VDAC1: variants seen among roughly 807,000 people sequenced by gnomAD.
VDAC1 encodes non-selective voltage-gated ion channel VDAC1.
VDAC1 carries 10 observed loss-of-function variants against 34.7 expected under a neutral mutation model. The ratio of observed to expected loss-of-function variants is 0.29; its 90% CI spans 0.18 to 0.49. The LOEUF is 0.49. VDAC1 is among the 20% of genes least tolerant of loss of function. VDAC1 has a pLI of 0.99. For synonymous variants in VDAC1, 130 were observed against 136.0 expected (o/e 0.96, Z 0.30); for missense variants, 230 against 347.9 (o/e 0.66, Z 2.69).
chr5:133,993,721 C>T (rs1166935770), intron 1 of VDAC1, among the ~76,000 whole-genome samples: 1 of 150,006 alleles, frequency 6.7e-6, no homozygotes, highest in Non-Finnish European at 1.5e-5. Context: ...TTTTTAAAAC[C>T]AACCATCAAA....
At chr5:134,053,072 G>A in the VDAC1 span, among the ~76,000 whole-genome samples, 5 of 152,012 alleles carry the variant, frequency 3.3e-5, no homozygotes, top group South Asian at 2.1e-4. Flanking sequence ...CTGAGATAGC[G>A]CCATTGCACT....
At chr5:134,085,390 C>T in the VDAC1 span, among the ~76,000 whole-genome samples, 1 of 151,712 alleles carries the variant, frequency 6.6e-6, no homozygotes, top group African/African-American at 2.4e-5. Context: ...TCTTAAGAAA[C>T]CTGGGAAGCC....
At chr5:134,053,528 A>G in the VDAC1 span, among the ~76,000 whole-genome samples, 60 of 152,320 alleles carry the variant, frequency 3.9e-4, no homozygotes, top group African/African-American at 1.4e-3. Flanking sequence ...CGCAGCCTGC[A>G]TGGAGTCAGA....
chr5:133,981,030 T>A lies in VDAC1; in HGVS notation c.324-74A>T, dbSNP rs200755421. On this transcript the variant is annotated intron_variant, in intron 5 of 8. Transcript: ENST00000265333. ...ATGCAAGTTGTCTTTTTTTTTTTTT[T>A]AATCCCAGGTCAAATAAAGGGAGTG... 180 of 1,256,858 alleles carry A rather than the reference T, an allele frequency of 1.4e-4. No individual in the cohort carries two copies. In the African/African-American group the frequency reaches 2.2e-3, roughly 15 times the overall value. 77.9% of individuals were successfully genotyped at this position (1,256,858 alleles called of 1,614,324 possible). A position where few individuals can be genotyped will look rare whatever the true frequency, so the allele number is the denominator to read the frequency against.
chr5:134,071,599 G>A, the VDAC1 span, among the ~76,000 whole-genome samples: 493 of 152,338 alleles, frequency 3.2e-3, 3 homozygotes, highest in African/African-American at 0.011. The surrounding 1 kb of genome is among the most constrained non-coding windows in gnomAD (Gnocchi z 4.1). Flanking sequence ...TTTCCACCAC[G>A]CAGAATTCCC....
At chr5:134,002,338 A>C (rs1279196355) in intron 1 of VDAC1, among the ~76,000 whole-genome samples, 2 of 152,104 alleles carry the variant, frequency 1.3e-5, no homozygotes, top group East Asian at 3.8e-4. Context: ...AAATAAAACT[A>C]AATAATCAAC....
intron 6 of VDAC1, 193 bp from the exon 7 acceptor site, chr5:133,976,214 A>G (rs1474396031): frequency 3.2e-6 from 2 of 620,714 alleles, no homozygotes; most frequent in Non-Finnish European, 5.5e-6. Context: ...TAAGTATGGA[A>G]CAGGCACCTA....
the VDAC1 span, among the ~76,000 whole-genome samples, chr5:134,046,728 C>G: frequency 6.6e-6 from 1 of 152,128 alleles, no homozygotes; most frequent in Non-Finnish European, 1.5e-5. Flanking sequence ...AAAGGACTAC[C>G]CCACAACACA....
chr5:134,014,071 C>T, the VDAC1 span, among the ~76,000 whole-genome samples: 2 of 152,172 alleles, frequency 1.3e-5, no homozygotes, highest in African/African-American at 4.8e-5. Context: ...GGGCGGATCA[C>T]CTGAGGTCAG....
the VDAC1 span, among the ~76,000 whole-genome samples, chr5:134,027,976 G>C: frequency 6.6e-6 from 1 of 151,588 alleles, no homozygotes; most frequent in African/African-American, 2.4e-5. Flanking sequence ...TCACCATGTT[G>C]ACCAGGCTGC....
At chr5:134,015,551 C>A in the VDAC1 span, among the ~76,000 whole-genome samples, 1 of 152,090 alleles carries the variant, frequency 6.6e-6, no homozygotes, top group Non-Finnish European at 1.5e-5. Flanking sequence ...TGAACTAAGG[C>A]AAATGGCAAG....
At chr5:134,104,717 C>T in the VDAC1 span, among the ~76,000 whole-genome samples, 52 of 152,296 alleles carry the variant, frequency 3.4e-4, 1 homozygote, top group Admixed American at 2.9e-3. Flanking sequence ...AACTTGACCA[C>T]GATGGGGAAA....
chr5:134,010,377 C>G, the VDAC1 span, among the ~76,000 whole-genome samples: 2 of 152,080 alleles, frequency 1.3e-5, no homozygotes, highest in East Asian at 3.9e-4. Context: ...GCGGGCAGAT[C>G]ACCTGAGATC....
chr5:133,976,234 A>C, intron 6 of VDAC1: 3 of 535,624 alleles, frequency 5.6e-6, no homozygotes. Flanking sequence ...AGCCAGGCAC[A>C]GTGGCTCACA....
chr5:134,095,861 C>T, the VDAC1 span, among the ~76,000 whole-genome samples: 1 of 152,226 alleles, frequency 6.6e-6, no homozygotes, highest in East Asian at 1.9e-4. Flanking sequence ...GGCTACTGTA[C>T]TGGACAACAC....
chr5:134,008,109 T>A (rs1223980069), upstream of VDAC1, among the ~76,000 whole-genome samples: 1 of 151,940 alleles, frequency 6.6e-6, no homozygotes, highest in Non-Finnish European at 1.5e-5. Context: ...CCTGTATACC[T>A]CTCCTGCCCC....
At chr5:134,090,677 C>T in the VDAC1 span, among the ~76,000 whole-genome samples, 1 of 152,230 alleles carries the variant, frequency 6.6e-6, no homozygotes, top group Non-Finnish European at 1.5e-5. Context: ...CACCCCCAGC[C>T]CCACCCCCTG....
intron 1 of VDAC1, among the ~76,000 whole-genome samples, chr5:134,001,022 T>G (rs1433542779): frequency 6.6e-6 from 1 of 152,102 alleles, no homozygotes; most frequent in Non-Finnish European, 1.5e-5. Context: ...GAAATAGAGG[T>G]GACTCCATTG....
chr5:134,099,476 G>C, the VDAC1 span, among the ~76,000 whole-genome samples: 1 of 152,168 alleles, frequency 6.6e-6, no homozygotes, highest in Non-Finnish European at 1.5e-5. Flanking sequence ...GGCGCAGTCC[G>C]GCACAGCTGC....
Sources: gnomAD v4.1 joint callset for allele counts (sites outside exome capture counted in the v4.1 genomes callset) on GRCh38, gnomAD v4.1.1 for gene constraint, Gnocchi (gnomAD v3.1) non-coding constraint, MANE v1.5 for transcripts, NCBI Gene and HGNC (gene_info 2026-07-23, HGNC 2026-07-21) for gene names.